MEAK7: variants seen among roughly 807,000 people sequenced by gnomAD.
MEAK7 encodes MTOR associated protein MEAK7, also known as MTOR-associated protein MEAK7.
Under a neutral mutation model 40.5 loss-of-function variants are expected in MEAK7, and 68 were observed. The observed-to-expected ratio is 1.68, with a 90% CI of 1.38 to 2.06. The LOEUF (loss-of-function observed/expected upper bound fraction) is 2.06, where lower values mean the gene tolerates loss of function less well. MEAK7 is among the 30% of genes most tolerant of loss of function. The pLI, the probability that MEAK7 is intolerant of heterozygous loss-of-function variation, is 0.00. For synonymous variants in MEAK7, 338 were observed against 231.9 expected, an observed-to-expected ratio of 1.46 and a Z score of -4.16; for missense variants, 918 against 580.5, an observed-to-expected ratio of 1.58 and a Z score of -5.98.
At position 84,490,443 on chromosome 16, in the gene MEAK7, CTTTTTTTTTT is replaced by C. The variant is rs770073812; in HGVS notation, c.385-1031_385-1022del. Among the ~76,000 whole-genome samples, 6 of 93,874 alleles carry C rather than the reference CTTTTTTTTTT, an allele frequency of 6.4e-5. 1 individual carries two copies. Among genetic ancestry groups the C allele is most frequent in the African/African-American group, 3.2e-4 (6 of 18,668 alleles). The allele number at this position is 93,874 out of a possible 152,430, so 61.6% of individuals were successfully genotyped here. ...CTGGGCGGCTAAGTTTCTGCCCCGC[CTTTTTTTTTT>C]TTTTTTTTTTTTTTTTTTTTTTTTT... On this transcript the variant is annotated intron_variant, in intron 3 of 7. Transcript: ENST00000343629.
intron 4 of MEAK7, chr16:84,488,242 T>C (rs866817182): frequency 2.6e-5 from 4 of 152,202 alleles, no homozygotes; most frequent in African/African-American, 9.6e-5. Flanking sequence ...GGATGAACAG[T>C]TTACCCATAA....
At chr16:84,502,714 T>C (rs1914603054) in intron 1 of MEAK7, 2 of 152,138 alleles carry the variant, frequency 1.3e-5, no homozygotes, top group Admixed American at 6.5e-5. Flanking sequence ...CTGCCAAAAA[T>C]ACAAACCTCA....
At chr16:84,485,663 C>CTACCTATCTATCTATCTATCT (rs1357237005) in intron 5 of MEAK7, among the ~76,000 whole-genome samples, 6 of 149,872 alleles carry the variant, frequency 4.0e-5, no homozygotes, top group Admixed American at 6.7e-5. Context: ...TCCATCCATC[C>CTACCTATCTATCTATCTATCT]ATCTATCTAC....
intron 1 of MEAK7, among the ~76,000 whole-genome samples, chr16:84,498,423 G>A (rs1011979554): frequency 1.3e-5 from 2 of 151,428 alleles, no homozygotes; most frequent in Non-Finnish European, 2.9e-5. Context: ...ACCACACCAG[G>A]ATGCCTGGCT....
At position 84,484,817 on chromosome 16, in the gene MEAK7, C is replaced by G. The variant is rs984865438; in HGVS notation, c.958+1814G>C. ...GTACCATGCGTGGTGTGAGGCTGCCCTCTGCTGTTGTTTCGTGAGTATGGA... is the reference window on the plus strand; with the variant it reads ...GTACCATGCGTGGTGTGAGGCTGCCGTCTGCTGTTGTTTCGTGAGTATGGA... On this transcript the variant is annotated intron_variant, in intron 5 of 7. Coordinates refer to ENST00000343629, the MANE Select transcript of MEAK7 (RefSeq NM_020947.4). 2.0e-5 allele frequency among the ~76,000 whole-genome samples: 3 copies of G among 152,194 alleles called. 1 individual carries two copies. Among genetic ancestry groups the G allele is most frequent in the Middle Eastern group, 6.3e-3 (2 of 316 alleles).
chr16:84,478,015 T>C lies in MEAK7; in HGVS notation c.*1898A>G, dbSNP rs1376505158. The C allele has an allele frequency of 6.6e-6, 1 of 151,778 alleles. No homozygotes were observed. Among genetic ancestry groups the C allele is most frequent in the Non-Finnish European group, 1.5e-5 (1 of 68,000 alleles). 9.4% of individuals were successfully genotyped at this position (151,778 alleles called of 1,614,324 possible). The stretch of plus-strand genomic sequence containing the variant: ...CGGCCTGGGCAGAAGCAGCAATCAA[T>C]GGTCACCAAGGCACAGACACTGACG... On this transcript the variant is annotated 3_prime_UTR_variant, in exon 8 of 8. Transcript: ENST00000343629.
intron 3 of MEAK7, among the ~76,000 whole-genome samples, chr16:84,490,653 G>GGGGTGTGTGTGTGTGTGTGTGTGTGT (rs571630201): frequency 1.9e-5 from 2 of 104,432 alleles, no homozygotes; most frequent in Non-Finnish European, 3.9e-5. Flanking sequence ...AGCTAATCAA[G>GGGGTGTGTGTGTGTGTGTGTGTGTGT]ATGTGTGTGT....
At position 84,478,001 on chromosome 16, in the gene MEAK7, G is replaced by A. The variant is rs1277897485; in HGVS notation, c.*1912C>T. On this transcript the variant is annotated 3_prime_UTR_variant, in exon 8 of 8. Coordinates refer to ENST00000343629, the MANE Select transcript of MEAK7 (RefSeq NM_020947.4). ...CCTAACCTTTGCAGCGGCCTGGGCA[G>A]AAGCAGCAATCAATGGTCACCAAGG... 1.3e-5 allele frequency: 2 copies of A among 152,210 alleles called. No homozygotes were observed. Among genetic ancestry groups the A allele is most frequent in the Non-Finnish European group, 2.9e-5 (2 of 68,058 alleles). 9.4% of individuals were successfully genotyped at this position (152,210 alleles called of 1,614,324 possible).
chr16:84,501,311 A>C (rs1851731411), intron 1 of MEAK7, among the ~76,000 whole-genome samples: 3 of 151,916 alleles, frequency 2.0e-5, no homozygotes, highest in Admixed American at 1.3e-4. Context: ...CAGCGAGGCA[A>C]GGGTGGAACT....
chr16:84,500,847 G>C (rs1195199367), intron 1 of MEAK7, among the ~76,000 whole-genome samples: 1 of 152,112 alleles, frequency 6.6e-6, no homozygotes, highest in African/African-American at 2.4e-5. Context: ...TCAACTCGAA[G>C]AGCCTGCAAG....
intron 3 of MEAK7, among the ~76,000 whole-genome samples, chr16:84,492,479 C>CT (rs934926331): frequency 2.6e-5 from 4 of 151,828 alleles, no homozygotes; most frequent in South Asian, 2.1e-4. Flanking sequence ...GGTTTTTACC[C>CT]TTTTTTTCAA....
intron 1 of MEAK7, among the ~76,000 whole-genome samples, chr16:84,500,578 C>G (rs911475822): frequency 1.3e-5 from 2 of 152,206 alleles, no homozygotes; most frequent in African/African-American, 4.8e-5. Flanking sequence ...TGGGGGTGCA[C>G]TTTACACAGA....
chr16:84,504,603 T>G lies in MEAK7; in HGVS notation c.-28A>C. ...CGAACCTCAGCCCAGGTACCTACCC[T>G]GCCGGGCTTCCTGGTGCTGTCCGGT... On this transcript the variant is annotated splice_region_variant and 5_prime_UTR_variant, in exon 1 of 8. Transcript: ENST00000343629. 1 of 985,710 alleles carries G rather than the reference T, an allele frequency of 1.0e-6. No homozygotes were observed. The highest frequency in any genetic ancestry group is 1.2e-6 in the Non-Finnish European group (1 of 830,124). The allele number at this position is 985,710 out of a possible 1,614,324, so 61.1% of individuals were successfully genotyped here.
In MEAK7 at chr16:84,477,793, G is replaced by C. The variant is rs1466867088; in HGVS notation, c.*2120C>G. On this transcript the variant is annotated 3_prime_UTR_variant, in exon 8 of 8. Transcript: ENST00000343629. ...CCAGCCCTGCACACGCCCTAAAAAG[G>C]TTTGAGTGTCCAGAGGCAGAACCGT... 1 of 152,250 alleles carries C rather than the reference G, an allele frequency of 6.6e-6. No homozygotes were observed. Among genetic ancestry groups the C allele is most frequent in the Admixed American group, 6.5e-5 (1 of 15,282 alleles). The allele number at this position is 152,250 out of a possible 1,614,324, so 9.4% of individuals were successfully genotyped here. A position where few individuals can be genotyped will look rare whatever the true frequency, so the allele number is the denominator to read the frequency against.
rs748848889 is a variant in MEAK7 at position 84,487,034 on chromosome 16, C to T, written c.555G>A (p.Gln185=). ...LQDGKRLLGP[Q]WLDYDCDRAV... is the part of the protein sequence containing the mutation. ...CTCGGTCACAGTCATAGTCCAGCCA[C>T]TGGGGCCCCAGAAGTCTCTTGCCAT... The change falls in exon 5 of 8, where the codon CAG becomes CAA. Residue 185 remains glutamine, a synonymous_variant. Transcript: ENST00000343629. 6.2e-7 allele frequency: 1 copy of T among 1,613,032 alleles called. No individual in the cohort carries two copies. Among genetic ancestry groups the T allele is most frequent in the Non-Finnish European group, 8.5e-7 (1 of 1,179,518 alleles).
At chr16:84,504,058 A>T (rs1914703048) in intron 1 of MEAK7, 6 of 985,518 alleles carry the variant, frequency 6.1e-6, no homozygotes, top group Non-Finnish European at 7.2e-6. Context: ...GGGCAGCTTG[A>T]GCCTGGGCAA....
intron 5 of MEAK7, among the ~76,000 whole-genome samples, chr16:84,483,470 C>T (rs1020078013): frequency 6.6e-6 from 1 of 152,248 alleles, no homozygotes; most frequent in Non-Finnish European, 1.5e-5. Context: ...ACTGTCACAA[C>T]AAGCTGGAAG....
intron 3 of MEAK7, 192 bp downstream of exon 3, chr16:84,495,491 C>A: frequency 1.7e-6 from 1 of 601,248 alleles, no homozygotes; most frequent in Non-Finnish European, 2.9e-6. Flanking sequence ...TCAAAATCAT[C>A]TTTGGAGAAA....
chr16:84,490,443 C>CTTTTTTT (rs770073812), intron 3 of MEAK7, among the ~76,000 whole-genome samples: 2 of 93,876 alleles, frequency 2.1e-5, no homozygotes, highest in African/African-American at 5.4e-5. Context: ...TCTGCCCCGC[C>CTTTTTTT]TTTTTTTTTT....
Sources: allele counts gnomAD v4.1 joint callset (sites outside exome capture counted in the v4.1 genomes callset), GRCh38; gene constraint gnomAD v4.1.1; transcripts MANE v1.5; gene names NCBI Gene and HGNC (gene_info 2026-07-23, HGNC 2026-07-21).